SGCD: variants seen among roughly 807,000 people sequenced by gnomAD.
SGCD encodes sarcoglycan delta.
Under a neutral mutation model 36.6 loss-of-function variants are expected in SGCD, and 18 were observed. The observed-to-expected ratio is 0.49, with a 90% CI of 0.34 to 0.73. The LOEUF (loss-of-function observed/expected upper bound fraction) is 0.73. Ranked by LOEUF, SGCD falls within the 30% of genes least tolerant of loss-of-function variation. SGCD has a pLI of 0.01. For synonymous variants in SGCD, 133 were observed against 130.6 expected (o/e 1.02, Z -0.12); for missense variants, 387 against 346.7 (o/e 1.12, Z -0.92).
intron 1 of SGCD, among the ~76,000 whole-genome samples, chr5:156,050,834 C>A (rs1759896952): frequency 6.8e-6 from 1 of 146,460 alleles, no homozygotes; most frequent in Admixed American, 6.8e-5. Flanking sequence ...AGTATAGCTT[C>A]TTATAACCTC....
intron 4 of SGCD, among the ~76,000 whole-genome samples, chr5:156,545,002 T>C (rs781339784): frequency 6.6e-6 from 1 of 152,144 alleles, no homozygotes; most frequent in African/African-American, 2.4e-5. Context: ...CTGAGTTGGG[T>C]GTTTTGTTTC....
chr5:156,433,430 CAGA>C (rs890549660), intron 3 of SGCD, among the ~76,000 whole-genome samples: 13 of 152,164 alleles, frequency 8.5e-5, no homozygotes, highest in African/African-American at 2.9e-4. Context: ...ATGAACTAAG[CAGA>C]AGAACAAAGG....
intron 3 of SGCD, among the ~76,000 whole-genome samples, chr5:156,465,059 C>T (rs1754660015): frequency 6.6e-6 from 1 of 152,092 alleles, no homozygotes; most frequent in Admixed American, 6.5e-5. Context: ...TTGGATGTTA[C>T]TGGACACTCA....
chr5:156,649,400 A>G (rs1763367409), intron 7 of SGCD, among the ~76,000 whole-genome samples: 1 of 152,206 alleles, frequency 6.6e-6, no homozygotes, highest in Admixed American at 6.5e-5. Context: ...TGCTATAAAG[A>G]CACATGCACA....
rs536292519 is a variant in SGCD at position 156,190,870 on chromosome 5, A to G, written c.-44+66851A>G. On this transcript the variant is annotated intron_variant, in intron 3 of 9. Transcript: ENST00000517913. ...GTTACCTGCTATTAACTTCTTTAGA[A>G]TTTAAAGTCTTATAAAATTAGCTTC... Among the ~76,000 whole-genome samples the G allele has an allele frequency of 2.0e-5, 3 of 152,272 alleles. No homozygotes were observed. The South Asian group carries it at 6.2e-4, about 32-fold the overall frequency.
At chr5:156,158,611 C>T (rs1763017429) in intron 3 of SGCD, among the ~76,000 whole-genome samples, 1 of 151,488 alleles carries the variant, frequency 6.6e-6, no homozygotes, top group South Asian at 2.1e-4. Context: ...ATGTTGAGGA[C>T]CAGAGAGCCC....
chr5:156,490,868 G>A (rs1755908446), intron 3 of SGCD, among the ~76,000 whole-genome samples: 1 of 151,876 alleles, frequency 6.6e-6, no homozygotes, highest in South Asian at 2.1e-4. Flanking sequence ...CATTCAGTCA[G>A]GAGGAAAAAA....
chr5:156,185,407 G>A (rs1050719621), intron 3 of SGCD, among the ~76,000 whole-genome samples: 1 of 151,634 alleles, frequency 6.6e-6, no homozygotes, highest in African/African-American at 2.4e-5. Flanking sequence ...GCAGAGACGG[G>A]GTTTCACCAC....
At chr5:156,577,193 G>C (rs1418170034) in intron 4 of SGCD, among the ~76,000 whole-genome samples, 3 of 152,102 alleles carry the variant, frequency 2.0e-5, no homozygotes, top group Admixed American at 1.3e-4. Flanking sequence ...CCCATTTCTT[G>C]TTTTTGTCAG....
intron 7 of SGCD, among the ~76,000 whole-genome samples, chr5:156,730,462 GAACATGCAATATTTGGTTT>G (rs1258101299): frequency 6.6e-6 from 1 of 152,146 alleles, no homozygotes; most frequent in African/African-American, 2.4e-5. Context: ...TTATAAGTGA[GAACATGCAATATTTGGTTT>G]TCTGTTTTGT....
intron 4 of SGCD, among the ~76,000 whole-genome samples, chr5:156,513,588 A>G (rs1005354187): frequency 6.6e-6 from 1 of 152,208 alleles, no homozygotes; most frequent in Non-Finnish European, 1.5e-5. Context: ...AGTGAGGACA[A>G]CTAATGAAGC....
chr5:155,914,296 C>T (rs1756693798), intron 1 of SGCD, among the ~76,000 whole-genome samples: 2 of 152,112 alleles, frequency 1.3e-5, no homozygotes, highest in African/African-American at 4.8e-5. Flanking sequence ...TGCCGGATTG[C>T]CTCCCAGCAT....
chr5:155,938,804 A>G (rs1757266202), intron 1 of SGCD, among the ~76,000 whole-genome samples: 1 of 152,246 alleles, frequency 6.6e-6, no homozygotes, highest in Non-Finnish European at 1.5e-5. Context: ...CGAAGTAGAC[A>G]TTATTAACCC....
chr5:155,785,333 G>A, the SGCD span, among the ~76,000 whole-genome samples: 1 of 152,068 alleles, frequency 6.6e-6, no homozygotes, highest in Non-Finnish European at 1.5e-5. Context: ...TGGGCACAAT[G>A]TAATATTTCA....
intron 1 of SGCD, among the ~76,000 whole-genome samples, chr5:156,005,181 A>G (rs765929405): frequency 7.2e-5 from 11 of 152,168 alleles, no homozygotes; most frequent in Non-Finnish European, 1.3e-4. Flanking sequence ...AGCCACTGAC[A>G]CTGAAAACAT....
intron 3 of SGCD, among the ~76,000 whole-genome samples, chr5:156,393,042 G>A (rs1237895418): frequency 6.6e-6 from 1 of 152,130 alleles, no homozygotes; most frequent in Non-Finnish European, 1.5e-5. Context: ...ACAGGCCCAG[G>A]GTTGGAGCCC....
chr5:156,280,812 C>A (rs780148613), intron 3 of SGCD, among the ~76,000 whole-genome samples: 168 of 152,166 alleles, frequency 1.1e-3, no homozygotes, highest in Admixed American at 5.2e-3. Context: ...CATTTTGGAC[C>A]CAATTTCTAC....
chr5:156,167,804 A>G (rs571402366), intron 3 of SGCD, among the ~76,000 whole-genome samples: 1 of 152,348 alleles, frequency 6.6e-6, no homozygotes, highest in African/African-American at 2.4e-5. Flanking sequence ...CCATGCTTGT[A>G]CAGCCTGTAG....
At chr5:156,218,576 G>A (rs1561570465) in intron 3 of SGCD, among the ~76,000 whole-genome samples, 2 of 152,052 alleles carry the variant, frequency 1.3e-5, no homozygotes, top group Non-Finnish European at 1.5e-5. Context: ...GACTATTTTT[G>A]CCTGAACCCT....
Sources: allele counts gnomAD v4.1 joint callset (sites outside exome capture counted in the v4.1 genomes callset), GRCh38; gene constraint gnomAD v4.1.1; transcripts MANE v1.5; gene names NCBI Gene and HGNC (gene_info 2026-07-23, HGNC 2026-07-21).